The following TNPO2 variants were observed in gnomAD, a reference collection of about 807,000 sequenced individuals.
The protein encoded by TNPO2 is transportin 2.
Under a neutral mutation model 111.1 loss-of-function variants are expected in TNPO2, and 16 were observed. That is an observed-to-expected ratio of 0.14 (90% confidence interval 0.10 to 0.22). TNPO2 has a LOEUF of 0.22. Among genes scored for constraint, TNPO2 ranks in the 10% least tolerant of loss-of-function variants. TNPO2 has a pLI of 1.00. For synonymous variants in TNPO2, 481 were observed against 475.8 expected, an observed-to-expected ratio of 1.01 and a Z score of -0.14; for missense variants, 530 against 1,173.7, an observed-to-expected ratio of 0.45 and a Z score of 8.01.
In TNPO2 at chr19:12,701,632, C is replaced by T. The variant is rs1362451305; in HGVS notation, c.2552G>A (p.Ser851Asn). Residue 851 changes from serine (S) to asparagine (N), a missense_variant, in exon 24 of 26, where the codon AGC (serine) becomes AAC (asparagine). By Grantham distance (46) the Ser-to-Asn change is conservative. This residue lies in a region of TNPO2 where 103 missense variants were observed against 156.7 expected (regional missense o/e 0.66). Coordinates refer to ENST00000425528, the MANE Select transcript of TNPO2 (RefSeq NM_001382241.1). The surrounding 1 kb of genome is among the most constrained non-coding windows in gnomAD (Gnocchi z 5.0). ...FFCDAVASWV[S>N]PKDDLRDMFY... The stretch of plus-strand genomic sequence containing the variant: ...CATGTCCCGAAGGTCATCCTTCGGG[C>T]TCACCCAGGAGGCTACAGCATCGCA... 2.5e-6 allele frequency: 4 copies of T among 1,613,860 alleles called. No homozygotes were observed. The Admixed American group carries it at 6.7e-5, about 27-fold the overall frequency.
intron 10 of TNPO2, among the ~76,000 whole-genome samples, chr19:12,712,961 C>T (rs2026149030): frequency 2.6e-5 from 4 of 152,182 alleles, no homozygotes; most frequent in Admixed American, 2.6e-4. Context: ...TCACAGCTCA[C>T]CACAGCCTCA....
chr19:12,711,162 G>A (rs567582964), intron 12 of TNPO2, 134 bp downstream of exon 12: 20 of 1,189,198 alleles, frequency 1.7e-5, no homozygotes, highest in African/African-American at 3.0e-5. Flanking sequence ...CCAAAGTGCT[G>A]GGATTACAGG....
Position 12,705,972 on chromosome 19 carries a change from G to C in TNPO2, c.1669-204C>G. ...GCCCCACCCCACCCCCCGGGAGCCT[G>C]GGTTACCACCTCCTGGTTCCCGAAG... On this transcript the variant is annotated intron_variant, in intron 15 of 25. Transcript: ENST00000425528. This position sits in a 1 kb window ranked among gnomAD's most constrained non-coding sequence, Gnocchi z 7.2. 1.5e-6 allele frequency: 1 copy of C among 657,394 alleles called. No homozygotes were observed. Among genetic ancestry groups the C allele is most frequent in the East Asian group, 2.8e-5 (1 of 36,264 alleles). 40.7% of individuals were successfully genotyped at this position (657,394 alleles called of 1,614,324 possible). A position where few individuals can be genotyped will look rare whatever the true frequency, so the allele number is the denominator to read the frequency against.
chr19:12,701,532 T>C lies in TNPO2; in HGVS notation c.2586+66A>G. On this transcript the variant is annotated intron_variant, in intron 24 of 25. Coordinates refer to ENST00000425528, the MANE Select transcript of TNPO2 (RefSeq NM_001382241.1). This position sits in a 1 kb window ranked among gnomAD's most constrained non-coding sequence, Gnocchi z 5.0. ...CCTCTTCCCCCATCCCCAGGCCCCA[T>C]TGTTACCAGATGGTCTCACCCCTGC... The C allele has an allele frequency of 2.5e-6, 4 of 1,602,710 alleles. No homozygotes were observed. The highest frequency in any genetic ancestry group is 1.7e-5 in the Admixed American group (1 of 59,896).
intron 12 of TNPO2, 62 bp from the exon 13 acceptor site, chr19:12,710,835 C>T: frequency 7.1e-7 from 1 of 1,411,754 alleles, no homozygotes; most frequent in Non-Finnish European, 9.6e-7. Context: ...GCCGACCCTC[C>T]TTGACTGCAC....
chr19:12,716,028 C>T (rs1319219827), intron 5 of TNPO2, among the ~76,000 whole-genome samples: 1 of 152,108 alleles, frequency 6.6e-6, no homozygotes, highest in Non-Finnish European at 1.5e-5. Context: ...TGCCACCACG[C>T]CCAACTAATT....
chr19:12,714,658 T>C (rs2026264013), intron 10 of TNPO2, among the ~76,000 whole-genome samples, 163 bp downstream of exon 10: 2 of 152,250 alleles, frequency 1.3e-5, no homozygotes, highest in Middle Eastern at 6.8e-3. Context: ...AATTTTGAAG[T>C]CTTCAAAAAG....
At chr19:12,707,052 G>A (rs978088818) in intron 13 of TNPO2, among the ~76,000 whole-genome samples, 14 of 152,252 alleles carry the variant, frequency 9.2e-5, no homozygotes, top group African/African-American at 2.2e-4. Context: ...AGGCTGGGGC[G>A]CAGTGGTACG....
chr19:12,718,980 G>A, intron 5 of TNPO2, 49 bp downstream of exon 5: 7 of 1,605,442 alleles, frequency 4.4e-6, no homozygotes, highest in Non-Finnish European at 6.0e-6. Context: ...ATGCTGAGAA[G>A]TGAGAGTTCA....
In TNPO2 at chr19:12,706,425, C is replaced by T; in HGVS notation, c.1497-58G>A. The T allele has an allele frequency of 1.9e-6, 3 of 1,608,014 alleles. No homozygotes were observed. The highest frequency in any genetic ancestry group is 2.6e-6 in the Non-Finnish European group (3 of 1,175,044). On this transcript the variant is annotated intron_variant, in intron 14 of 25. Coordinates refer to ENST00000425528, the MANE Select transcript of TNPO2 (RefSeq NM_001382241.1). The surrounding 1 kb of genome is among the most constrained non-coding windows in gnomAD (Gnocchi z 7.0). ...TGGACCATGGCAGGTGACACTGGGCCATGGGCAGTTGGGGAGGGCAACTCA... is the reference window on the plus strand; with the variant it reads ...TGGACCATGGCAGGTGACACTGGGCTATGGGCAGTTGGGGAGGGCAACTCA...
chr19:12,703,185 A>G (rs759656712), intron 20 of TNPO2: 3 of 586,526 alleles, frequency 5.1e-6, no homozygotes, highest in African/African-American at 3.7e-5. Context: ...AAAAAAAGCC[A>G]AAGTCACCCA....
rs193063858 is a variant in TNPO2 at position 12,701,284 on chromosome 19, G to T, written c.*21-41C>A. ...GAAGGTCATGGCCTGGGACCTTTCGGCCCCCAAGACAGTGCTGACTTGCCA... is the reference window on the plus strand; with the variant it reads ...GAAGGTCATGGCCTGGGACCTTTCGTCCCCCAAGACAGTGCTGACTTGCCA... On this transcript the variant is annotated intron_variant, in intron 25 of 25. Transcript: ENST00000425528. The surrounding 1 kb of genome is among the most constrained non-coding windows in gnomAD (Gnocchi z 5.0). The T allele has an allele frequency of 3.4e-5, 47 of 1,389,320 alleles. No homozygotes were observed. In the East Asian group the frequency reaches 9.9e-4, roughly 29 times the overall value. The allele number at this position is 1,389,320 out of a possible 1,614,324, so 86.1% of individuals were successfully genotyped here.
At chr19:12,704,983 T>G (rs1392111629) in intron 18 of TNPO2, among the ~76,000 whole-genome samples, 1 of 152,118 alleles carries the variant, frequency 6.6e-6, no homozygotes, top group Non-Finnish European at 1.5e-5. Context: ...GCCTCACATT[T>G]TCTATTTTCA....
Position 12,721,341 on chromosome 19 carries a change from G to A in TNPO2, c.-13-351C>T. On this transcript the variant is annotated intron_variant, in intron 2 of 25. Transcript: ENST00000425528. The surrounding 1 kb of genome is among the most constrained non-coding windows in gnomAD (Gnocchi z 4.9). ...GAAGGCTTCCACCTCCCTCGCAGCG[G>A]CTGGGCGAGGGCCCAGCCGCCTCCA... The A allele has an allele frequency of 7.9e-7, 1 of 1,263,562 alleles. No individual in the cohort carries two copies. Among genetic ancestry groups the A allele is most frequent in the Admixed American group, 2.8e-5 (1 of 36,352 alleles). 78.3% of individuals were successfully genotyped at this position (1,263,562 alleles called of 1,614,324 possible).
Position 12,706,113 on chromosome 19 carries a change from G to A in TNPO2, c.1668+83C>T. ...TGTCGAGGTCACGGCCACGTCCCTGGCGTGCAACACGGGGTTGCCACCAGG... is the reference window on the plus strand; with the variant it reads ...TGTCGAGGTCACGGCCACGTCCCTGACGTGCAACACGGGGTTGCCACCAGG... On this transcript the variant is annotated intron_variant, in intron 15 of 25. Coordinates refer to ENST00000425528, the MANE Select transcript of TNPO2 (RefSeq NM_001382241.1). The surrounding 1 kb of genome is among the most constrained non-coding windows in gnomAD (Gnocchi z 7.0). 6.7e-7 allele frequency: 1 copy of A among 1,495,084 alleles called. No individual in the cohort carries two copies. The highest frequency in any genetic ancestry group is 2.3e-5 in the East Asian group (1 of 42,910). 92.6% of individuals were successfully genotyped at this position (1,495,084 alleles called of 1,614,324 possible). A position where few individuals can be genotyped will look rare whatever the true frequency, so the allele number is the denominator to read the frequency against.
Position 12,701,987 on chromosome 19 carries a change from A to G in TNPO2, c.2411+85T>C. 6.9e-7 allele frequency: 1 copy of G among 1,454,352 alleles called. No individual in the cohort carries two copies. The highest frequency in any genetic ancestry group is 9.6e-7 in the Non-Finnish European group (1 of 1,036,618). The allele number at this position is 1,454,352 out of a possible 1,614,324, so 90.1% of individuals were successfully genotyped here. A position where few individuals can be genotyped will look rare whatever the true frequency, so the allele number is the denominator to read the frequency against. On this transcript the variant is annotated intron_variant, in intron 22 of 25. Coordinates refer to ENST00000425528, the MANE Select transcript of TNPO2 (RefSeq NM_001382241.1). The surrounding 1 kb of genome is among the most constrained non-coding windows in gnomAD (Gnocchi z 5.0). Reference sequence around the variant, plus strand: ...GGGGCAGGGCAGGGAGTCAGTAGGCAGATGGGGCTGGAAATGCACAGGCGA... The same window carrying G: ...GGGGCAGGGCAGGGAGTCAGTAGGCGGATGGGGCTGGAAATGCACAGGCGA...
chr19:12,714,664 A>G (rs575171991), intron 10 of TNPO2, among the ~76,000 whole-genome samples, 157 bp downstream of exon 10: 3 of 152,304 alleles, frequency 2.0e-5, no homozygotes, highest in African/African-American at 7.2e-5. Context: ...GAAGTCTTCA[A>G]AAAGTGGCAT....
Position 12,706,174 on chromosome 19 carries a change from G to C in TNPO2, c.1668+22C>G, listed in dbSNP as rs780765307. 6.2e-7 allele frequency: 1 copy of C among 1,609,772 alleles called. No homozygotes were observed. Among genetic ancestry groups the C allele is most frequent in the Non-Finnish European group, 8.5e-7 (1 of 1,177,816 alleles). On this transcript the variant is annotated intron_variant, in intron 15 of 25. Transcript: ENST00000425528. This position sits in a 1 kb window ranked among gnomAD's most constrained non-coding sequence, Gnocchi z 7.0. ...CCCAGGGGCACGGGGATCGGGAGGC[G>C]GGAGCCGCTCTGGGGTCTCACCGGC...
rs1409459939 is a variant in TNPO2 at position 12,699,456 on chromosome 19, T to C, written c.*1808A>G. On this transcript the variant is annotated 3_prime_UTR_variant, in exon 26 of 26. Coordinates refer to ENST00000425528, the MANE Select transcript of TNPO2 (RefSeq NM_001382241.1). ...AAAAATAAATTAAAAAATTAAATAG[T>C]TTTTTTTTAAAAAAAAAAAAAAAAA... The C allele has an allele frequency of 1.6e-5, 2 of 122,992 alleles. No homozygotes were observed. The highest frequency in any genetic ancestry group is 1.0e-4 in the African/African-American group (2 of 19,556). 7.6% of individuals were successfully genotyped at this position (122,992 alleles called of 1,614,324 possible). A position where few individuals can be genotyped will look rare whatever the true frequency, so the allele number is the denominator to read the frequency against.
Sources: allele counts gnomAD v4.1 joint callset (sites outside exome capture counted in the v4.1 genomes callset), GRCh38; gene constraint gnomAD v4.1.1; regional missense constraint gnomAD v4.1.1; non-coding constraint Gnocchi (gnomAD v3.1); transcripts MANE v1.5; gene names NCBI Gene and HGNC (gene_info 2026-07-23, HGNC 2026-07-21).